Variants in SMPDL3B observed in about 807,000 individuals in gnomAD.
The protein encoded by SMPDL3B is sphingomyelin phosphodiesterase acid like 3B.
Under a neutral mutation model 37.9 loss-of-function variants are expected in SMPDL3B, and 31 were observed. The observed-to-expected ratio is 0.82, with a 90% CI of 0.61 to 1.10. The LOEUF (loss-of-function observed/expected upper bound fraction) is 1.10, where lower values mean the gene tolerates loss of function less well. SMPDL3B is among the 50% of genes least tolerant of loss of function. The probability of loss-of-function intolerance (pLI) is 0.00; values close to 1 mark genes in which losing one functional copy is unlikely to be tolerated. For missense variants in SMPDL3B, 525 were observed against 597.8 expected, an observed-to-expected ratio of 0.88 and a Z score of 1.27; for synonymous variants, 235 against 242.6, an observed-to-expected ratio of 0.97 and a Z score of 0.29.
intron 1 of SMPDL3B, among the ~76,000 whole-genome samples, chr1:27,937,095 G>T (rs528958612): frequency 1.3e-5 from 2 of 152,306 alleles, no homozygotes; most frequent in South Asian, 4.1e-4. Flanking sequence ...CCAACTCCAG[G>T]TGTCTTCCTG....
intron 7 of SMPDL3B, chr1:27,956,291 T>G (rs914899846): frequency 2.6e-6 from 4 of 1,510,664 alleles, no homozygotes; most frequent in Non-Finnish European, 3.5e-6. Flanking sequence ...CCTTTTCCCC[T>G]GGATGACTGT....
chr1:27,935,927 C>T (rs920812933), intron 1 of SMPDL3B, among the ~76,000 whole-genome samples: 68 of 151,954 alleles, frequency 4.5e-4, no homozygotes, highest in Non-Finnish European at 8.4e-4. Flanking sequence ...CAAGGAAGCC[C>T]GCGTGGCTGA....
At chr1:27,935,934 C>T (rs2090304408) in intron 1 of SMPDL3B, among the ~76,000 whole-genome samples, 1 of 152,072 alleles carries the variant, frequency 6.6e-6, no homozygotes, top group Admixed American at 6.6e-5. Context: ...GCCCGCGTGG[C>T]TGAAGCAGGG....
At chr1:27,939,716 G>A (rs1222501803) in intron 1 of SMPDL3B, among the ~76,000 whole-genome samples, 1 of 152,148 alleles carries the variant, frequency 6.6e-6, no homozygotes, top group Non-Finnish European at 1.5e-5. Context: ...AGCTACTTGG[G>A]GGACTAAGGT....
chr1:27,949,950 T>G (rs527361452), intron 3 of SMPDL3B, among the ~76,000 whole-genome samples: 3 of 152,208 alleles, frequency 2.0e-5, no homozygotes, highest in Non-Finnish European at 4.4e-5. Context: ...CTAGATCAAG[T>G]GTAAAGGGTC....
rs1638362947 is a variant in SMPDL3B at position 27,958,489 on chromosome 1, A to G, written c.1019A>G (p.Tyr340Cys). The G allele has an allele frequency of 1.2e-6, 2 of 1,601,730 alleles. No individual in the cohort carries two copies. Among genetic ancestry groups the G allele is most frequent in the South Asian group, 1.1e-5 (1 of 90,688 alleles). Residue 340 changes from tyrosine (Y) to cysteine (C), a missense_variant, in exon 8 of 8, where the codon TAC becomes TGC. Tyr to Cys is a radical substitution (Grantham distance 194, BLOSUM62 -2). Coordinates refer to ENST00000373894, the MANE Select transcript of SMPDL3B (RefSeq NM_014474.4). This position sits in a 1 kb window ranked among gnomAD's most constrained non-coding sequence, Gnocchi z 5.6. The stretch of plus-strand genomic sequence containing the variant: ...CCCTTTTTCCAGGACATGGTGACCT[A>G]CTTCATGAACCTGAGCCAGGCGAAT... ...ATLSLKDMVT[Y>C]FMNLSQANAQ...
intron 2 of SMPDL3B, 88 bp from the exon 3 acceptor site, chr1:27,948,976 GT>G (rs1219012276): frequency 7.5e-6 from 12 of 1,593,250 alleles, no homozygotes; most frequent in Non-Finnish European, 1.0e-5. Context: ...AGGTCCATAG[GT>G]TTTCCTCTCA....
intron 1 of SMPDL3B, among the ~76,000 whole-genome samples, chr1:27,938,043 A>G (rs113204307): frequency 0.015 from 2,245 of 152,310 alleles, 28 homozygotes; most frequent in Non-Finnish European, 0.024. Flanking sequence ...GGCAATTAAA[A>G]GTGGGTATAA....
At chr1:27,953,083 T>C in intron 3 of SMPDL3B, 132 bp from the exon 4 acceptor site, 1 of 664,478 alleles carries the variant, frequency 1.5e-6, no homozygotes, top group Non-Finnish European at 2.6e-6. Flanking sequence ...GTGGGTTTCC[T>C]ATCTGTGTCT....
chr1:27,935,569 C>T (rs555892208), intron 1 of SMPDL3B, among the ~76,000 whole-genome samples: 2 of 152,178 alleles, frequency 1.3e-5, no homozygotes, highest in East Asian at 1.9e-4. Context: ...CTGTACCATA[C>T]GTTATTCTAG....
At position 27,935,083 on chromosome 1, in the gene SMPDL3B, C is replaced by T; in HGVS notation, c.-101C>T. On this transcript the variant is annotated 5_prime_UTR_variant, in exon 1 of 8. Transcript: ENST00000373894. ...AACACCTGTAACAGGACAAGGAGTT[C>T]TGCTCAGGCACGTGGCCACAGAAAA... 1 of 862,310 alleles carries T rather than the reference C, an allele frequency of 1.2e-6. No individual in the cohort carries two copies. Among genetic ancestry groups the T allele is most frequent in the Admixed American group, 2.1e-5 (1 of 47,816 alleles). 53.4% of individuals were successfully genotyped at this position (862,310 alleles called of 1,614,324 possible).
rs1477493923 is a variant in SMPDL3B, at chr1:27,945,959, G to A, written c.275+514G>A. On this transcript the variant is annotated intron_variant, in intron 2 of 7. Transcript: ENST00000373894. This position sits in a 1 kb window ranked among gnomAD's most constrained non-coding sequence, Gnocchi z 4.0. ...TCTACAGAGTGACAGCTTGAGGGCC[G>A]ATCCCACTCAGCCGCAGAGACCCAG... 1.3e-5 allele frequency among the ~76,000 whole-genome samples: 2 copies of A among 152,136 alleles called. No individual in the cohort carries two copies. Among genetic ancestry groups the A allele is most frequent in the Non-Finnish European group, 2.9e-5 (2 of 68,020 alleles).
In SMPDL3B at chr1:27,956,024, G is replaced by A. The variant is rs1638258435; in HGVS notation, c.947G>A (p.Gly316Glu). Residue 316 changes from glycine to glutamate, a missense_variant, in exon 7 of 8, where the codon GGG becomes GAG. Gly to Glu is a moderately conservative substitution (Grantham distance 98). Coordinates refer to ENST00000373894, the MANE Select transcript of SMPDL3B (RefSeq NM_014474.4). ...ACCACATTACCTGGAGTGGTCAATG[G>A]GGCCAACAATCCAGCCATCCGGGTG... Reference protein sequence around the residue: ...WKTTLPGVVNGANNPAIRVFE... With the variant: ...WKTTLPGVVNEANNPAIRVFE... The A allele has an allele frequency of 8.7e-6, 14 of 1,614,106 alleles. No homozygotes were observed. Among genetic ancestry groups the A allele is most frequent in the Non-Finnish European group, 9.3e-6 (11 of 1,180,006 alleles).
chr1:27,957,563 A>G (rs1638325693), intron 7 of SMPDL3B, among the ~76,000 whole-genome samples: 1 of 152,096 alleles, frequency 6.6e-6, no homozygotes, highest in Non-Finnish European at 1.5e-5. Context: ...GTGATCTGGG[A>G]GTGGAGAGAG....
intron 1 of SMPDL3B, among the ~76,000 whole-genome samples, chr1:27,943,253 G>A (rs1040587582): frequency 3.9e-5 from 6 of 152,150 alleles, no homozygotes; most frequent in African/African-American, 9.7e-5. Context: ...AGGGCTCTGC[G>A]GAGAACACTG....
At chr1:27,948,374 G>A (rs1278944918) in intron 2 of SMPDL3B, among the ~76,000 whole-genome samples, 1 of 152,088 alleles carries the variant, frequency 6.6e-6, no homozygotes, top group African/African-American at 2.4e-5. Context: ...AGTTTCCCTG[G>A]GGGAATACCT....
chr1:27,950,693 G>A (rs1412266823), intron 3 of SMPDL3B, among the ~76,000 whole-genome samples: 3 of 152,108 alleles, frequency 2.0e-5, no homozygotes, highest in African/African-American at 4.8e-5. Context: ...GCAGTGGTGC[G>A]ATCTTGGCTC....
chr1:27,958,664 C>T lies in SMPDL3B; in HGVS notation c.1194C>T (p.Val398=). ...AGCGCTACTACGTCTATAACTCAGTCAGCTACTCTGCTGGGGTCTGCGACG... is the reference window on the plus strand; with the variant it reads ...AGCGCTACTACGTCTATAACTCAGTTAGCTACTCTGCTGGGGTCTGCGACG... ...TLQRYYVYNS[V]SYSAGVCDEA... The change falls in exon 8 of 8, where the codon GTC becomes GTT. Residue 398 remains valine (V), a synonymous_variant. Transcript: ENST00000373894. The surrounding 1 kb of genome is among the most constrained non-coding windows in gnomAD (Gnocchi z 5.6). 5 of 1,614,036 alleles carry T rather than the reference C, an allele frequency of 3.1e-6. No homozygotes were observed. Among genetic ancestry groups the T allele is most frequent in the Non-Finnish European group, 4.2e-6 (5 of 1,180,026 alleles).
chr1:27,938,827 G>A (rs1251484680), intron 1 of SMPDL3B: 1 of 152,236 alleles, frequency 6.6e-6, no homozygotes, highest in African/African-American at 2.4e-5. Context: ...GCTAATGTAA[G>A]TGTTCTGAGC....
Sources: gnomAD v4.1 joint callset for allele counts (sites outside exome capture counted in the v4.1 genomes callset) on GRCh38, gnomAD v4.1.1 for gene constraint, Gnocchi (gnomAD v3.1) non-coding constraint, MANE v1.5 for transcripts, NCBI Gene and HGNC (gene_info 2026-07-23, HGNC 2026-07-21) for gene names.